Variants in FBXO36 observed in about 807,000 individuals in gnomAD.
FBXO36 encodes the protein F-box only protein 36.
Under a neutral mutation model 17.0 loss-of-function variants are expected in FBXO36, and 18 were observed. The observed-to-expected ratio is 1.06, with a 90% CI of 0.73 to 1.57. The LOEUF (loss-of-function observed/expected upper bound fraction) is 1.57, where lower values mean the gene tolerates loss of function less well. Ranked by LOEUF, FBXO36 falls within the 40% of genes most tolerant of loss-of-function variation. FBXO36 has a pLI of 0.00. For missense variants in FBXO36, 229 were observed against 221.9 expected (o/e 1.03, Z -0.20); for synonymous variants, 83 against 85.3 (o/e 0.97, Z 0.15).
At chr2:229,988,366 T>C (rs1235849507) in intron 2 of FBXO36, among the ~76,000 whole-genome samples, 2 of 152,238 alleles carry the variant, frequency 1.3e-5, no homozygotes, top group Non-Finnish European at 2.9e-5. Flanking sequence ...TGTTTCTTTC[T>C]GCAGATATAA....
intron 1 of FBXO36, chr2:229,932,928 G>A (rs749283908): frequency 5.4e-5 from 16 of 298,804 alleles, no homozygotes; most frequent in Non-Finnish European, 1.0e-4. Context: ...TTAGCCGGGC[G>A]TGGTGATGCA....
At position 229,996,924 on chromosome 2, in the gene FBXO36, G is replaced by A. The variant is rs2077330707; in HGVS notation, c.378+1G>A. 1.2e-6 allele frequency: 2 copies of A among 1,605,356 alleles called. No homozygotes were observed. Among genetic ancestry groups the A allele is most frequent in the Non-Finnish European group, 1.7e-6 (2 of 1,177,612 alleles). On this transcript the variant is annotated splice_donor_variant, in intron 3 of 3. Coordinates refer to ENST00000283946, the MANE Select transcript of FBXO36 (RefSeq NM_174899.5). LOFTEE classifies it high-confidence loss of function. ...TCAAACATCACACAGATTTGCAAAG[G>A]TAACGGTCAATTATTTTATGTCTAT...
chr2:229,935,447 A>G (rs149948796), intron 1 of FBXO36, among the ~76,000 whole-genome samples: 89 of 152,218 alleles, frequency 5.8e-4, no homozygotes, highest in Non-Finnish European at 9.3e-4. Context: ...TGGGAGGTGG[A>G]GGTTGCAGCG....
At chr2:229,988,841 T>G (rs71415739) in intron 2 of FBXO36, among the ~76,000 whole-genome samples, 2,299 of 145,278 alleles carry the variant, frequency 0.016, 19 homozygotes, top group East Asian at 0.025. Context: ...TTTTTTTTTT[T>G]TTGTTTTTTT....
At chr2:229,973,719 C>CA (rs61291521) in intron 1 of FBXO36, among the ~76,000 whole-genome samples, 1 of 130,256 alleles carries the variant, frequency 7.7e-6, no homozygotes, top group African/African-American at 2.8e-5. Flanking sequence ...GACTCCATCT[C>CA]AAAAAAAAAA....
intron 1 of FBXO36, among the ~76,000 whole-genome samples, chr2:229,951,353 C>T (rs887070727): frequency 1.3e-5 from 2 of 152,084 alleles, no homozygotes; most frequent in Non-Finnish European, 2.9e-5. Flanking sequence ...AAGTGATTCT[C>T]CTGTCTCAGC....
intron 1 of FBXO36, among the ~76,000 whole-genome samples, chr2:229,927,468 T>C (rs569256271): frequency 1.3e-5 from 2 of 152,294 alleles, no homozygotes; most frequent in Admixed American, 1.3e-4. Context: ...CCTCTCAAAA[T>C]GGAAGTGTTG....
intron 1 of FBXO36, among the ~76,000 whole-genome samples, chr2:229,934,185 A>C (rs952196005): frequency 2.6e-5 from 4 of 151,756 alleles, no homozygotes; most frequent in Admixed American, 6.6e-5. Flanking sequence ...GTGGATCACA[A>C]GGTCAGGCGA....
intron 1 of FBXO36, among the ~76,000 whole-genome samples, chr2:229,956,855 T>A (rs1215811429): frequency 2.6e-5 from 4 of 152,294 alleles, no homozygotes; most frequent in South Asian, 4.2e-4. Context: ...AGGTGGGGTA[T>A]TGTTTTCTAA....
intron 1 of FBXO36, among the ~76,000 whole-genome samples, chr2:229,939,536 G>A (rs999381657): frequency 2.0e-5 from 3 of 151,990 alleles, no homozygotes; most frequent in Non-Finnish European, 4.4e-5. Flanking sequence ...GCTTGAGCCC[G>A]GGAAGTGGAA....
intron 1 of FBXO36, among the ~76,000 whole-genome samples, chr2:229,923,488 GT>G (rs1358332981): frequency 6.6e-6 from 1 of 152,116 alleles, no homozygotes; most frequent in African/African-American, 2.4e-5. Context: ...AAATTTAGAA[GT>G]TTGTATATAT....
At chr2:229,928,817 T>C (rs1219407067) in intron 1 of FBXO36, among the ~76,000 whole-genome samples, 2 of 152,038 alleles carry the variant, frequency 1.3e-5, no homozygotes, top group African/African-American at 2.4e-5. Flanking sequence ...GGCTGGTGTG[T>C]AGTGGTGCAG....
At chr2:229,959,435 T>G (rs1242723886) in intron 1 of FBXO36, among the ~76,000 whole-genome samples, 2 of 152,166 alleles carry the variant, frequency 1.3e-5, no homozygotes, top group African/African-American at 4.8e-5. Flanking sequence ...CTGCCTAATG[T>G]GAGATTGTGT....
At chr2:229,923,087 T>G (rs1414447652) in intron 1 of FBXO36, 1 of 154,732 alleles carries the variant, frequency 6.5e-6, no homozygotes, top group Admixed American at 6.5e-5. Context: ...CCTTTACGCG[T>G]GCCACGGCCA....
At chr2:229,947,110 G>A (rs551138447) in intron 1 of FBXO36, among the ~76,000 whole-genome samples, 4 of 151,954 alleles carry the variant, frequency 2.6e-5, no homozygotes, top group African/African-American at 9.7e-5. Flanking sequence ...GGAGGTTGCA[G>A]TGAGCCGAGA....
intron 1 of FBXO36, among the ~76,000 whole-genome samples, chr2:229,931,012 C>G (rs2076936039): frequency 6.6e-6 from 1 of 152,142 alleles, no homozygotes; most frequent in Non-Finnish European, 1.5e-5. Flanking sequence ...AAATGATTCC[C>G]AAACATTGTG....
chr2:229,954,634 C>G (rs565435637), intron 1 of FBXO36, among the ~76,000 whole-genome samples: 5 of 148,084 alleles, frequency 3.4e-5, no homozygotes, highest in African/African-American at 1.2e-4. Flanking sequence ...TGCAAGCTCC[C>G]CCTCCCAGGT....
intron 1 of FBXO36, among the ~76,000 whole-genome samples, 192 bp downstream of exon 1, chr2:229,922,801 C>T (rs2076792806): frequency 6.6e-6 from 1 of 152,242 alleles, no homozygotes; most frequent in African/African-American, 2.4e-5. Flanking sequence ...CTGCTCTCCC[C>T]GAGCCCGGCT....
At chr2:229,983,442 G>GTC (rs2077251389) in intron 2 of FBXO36, among the ~76,000 whole-genome samples, 1 of 151,828 alleles carries the variant, frequency 6.6e-6, no homozygotes, top group African/African-American at 2.4e-5. Flanking sequence ...GGGAGTGCAG[G>GTC]TGCACACCAC....
Sources: allele counts gnomAD v4.1 joint callset (sites outside exome capture counted in the v4.1 genomes callset), GRCh38; gene constraint gnomAD v4.1.1; transcripts MANE v1.5; gene names NCBI Gene and HGNC (gene_info 2026-07-23, HGNC 2026-07-21).